The following PPP2R3A variants were observed in gnomAD, a reference collection of about 807,000 sequenced individuals.
PPP2R3A encodes the protein protein phosphatase 2 regulatory subunit B''alpha.
In PPP2R3A, 80 loss-of-function variants were observed where a neutral mutation model predicts 106.9. The observed-to-expected ratio is 0.75, with a 90% CI of 0.62 to 0.90. PPP2R3A has a LOEUF of 0.90. Among genes scored for constraint, PPP2R3A ranks in the 40% least tolerant of loss-of-function variants. The pLI is 0.00. For synonymous variants in PPP2R3A, 483 were observed against 468.3 expected (o/e 1.03, Z -0.41); for missense variants, 1,386 against 1,350.4 (o/e 1.03, Z -0.41).
At chr3:136,093,620 A>G (rs1937148551) in intron 10 of PPP2R3A, among the ~76,000 whole-genome samples, 1 of 152,188 alleles carries the variant, frequency 6.6e-6, no homozygotes, top group Non-Finnish European at 1.5e-5. Context: ...TCCAAAGAAG[A>G]TATATGCATG....
At chr3:136,106,073 C>T in intron 12 of PPP2R3A, 143 bp from the exon 13 acceptor site, 1 of 676,048 alleles carries the variant, frequency 1.5e-6, no homozygotes, top group South Asian at 2.0e-5. Context: ...AGGAGTTTTA[C>T]CTTAGCACCT....
At chr3:136,076,652 T>G (rs769102882) in intron 6 of PPP2R3A, among the ~76,000 whole-genome samples, 1 of 152,074 alleles carries the variant, frequency 6.6e-6, no homozygotes, top group Admixed American at 6.6e-5. Flanking sequence ...CCACCTGATA[T>G]ATAGAAAGCA....
intron 5 of PPP2R3A, among the ~76,000 whole-genome samples, chr3:136,051,118 TGTTTTC>T (rs1301014634): frequency 6.6e-6 from 1 of 152,214 alleles, no homozygotes; most frequent in Non-Finnish European, 1.5e-5. Context: ...TTAATATTCT[TGTTTTC>T]GTATCTAAAT....
intron 10 of PPP2R3A, among the ~76,000 whole-genome samples, chr3:136,092,102 G>A (rs1937106584): frequency 6.6e-6 from 1 of 152,164 alleles, no homozygotes; most frequent in Non-Finnish European, 1.5e-5. Flanking sequence ...GCCGAGGTGG[G>A]CAGATCACCT....
rs1939098691 is a variant in PPP2R3A, at chr3:136,145,880, G to C, written c.*714G>C. 2 of 152,198 alleles carry C rather than the reference G, an allele frequency of 1.3e-5. No homozygotes were observed. Among genetic ancestry groups the C allele is most frequent in the Admixed American group, 1.3e-4 (2 of 15,276 alleles). The allele number at this position is 152,198 out of a possible 1,614,324, so 9.4% of individuals were successfully genotyped here. A position where few individuals can be genotyped will look rare whatever the true frequency, so the allele number is the denominator to read the frequency against. Reference sequence around the variant, plus strand: ...ACTTCTTAAATGAAGTATAGAATTTGACTCATACTTGGAAAAAGCCCTTTT... The same window carrying C: ...ACTTCTTAAATGAAGTATAGAATTTCACTCATACTTGGAAAAAGCCCTTTT... On this transcript the variant is annotated 3_prime_UTR_variant, in exon 14 of 14. Coordinates refer to ENST00000264977, the MANE Select transcript of PPP2R3A (RefSeq NM_002718.5).
At chr3:136,027,197 T>G in intron 3 of PPP2R3A, 99 bp downstream of exon 3, 1 of 1,100,070 alleles carries the variant, frequency 9.1e-7, no homozygotes, top group Non-Finnish European at 1.3e-6. Flanking sequence ...CTTCACTGCC[T>G]CTTTGCTCTG....
chr3:136,008,799 A>G (rs928026049), intron 2 of PPP2R3A, among the ~76,000 whole-genome samples: 3 of 152,050 alleles, frequency 2.0e-5, no homozygotes, highest in Admixed American at 6.5e-5. Context: ...GCAGGAGTGA[A>G]GAGGAGCTCC....
At chr3:136,099,954 G>A (rs1937317746) in intron 10 of PPP2R3A, among the ~76,000 whole-genome samples, 1 of 151,054 alleles carries the variant, frequency 6.6e-6, no homozygotes, top group African/African-American at 2.4e-5. Flanking sequence ...GAAAGGGCAG[G>A]GAAGAGAGAT....
intron 13 of PPP2R3A, among the ~76,000 whole-genome samples, chr3:136,114,596 C>T (rs908234688): frequency 6.6e-6 from 1 of 152,128 alleles, no homozygotes; most frequent in Non-Finnish European, 1.5e-5. Flanking sequence ...CAGCTTGATG[C>T]AGGGAGGGGG....
intron 3 of PPP2R3A, among the ~76,000 whole-genome samples, chr3:136,027,429 A>G (rs1186941384): frequency 1.3e-5 from 2 of 152,124 alleles, no homozygotes; most frequent in Admixed American, 6.6e-5. Context: ...TAGGAATCTG[A>G]TTTTTAGTCT....
At chr3:136,040,141 G>A (rs967528751) in intron 3 of PPP2R3A, among the ~76,000 whole-genome samples, 3 of 152,146 alleles carry the variant, frequency 2.0e-5, no homozygotes, top group African/African-American at 7.2e-5. Context: ...ATAGGTAGTG[G>A]AATATTAACA....
At chr3:136,113,119 G>GA (rs112689051) in intron 13 of PPP2R3A, among the ~76,000 whole-genome samples, 5,448 of 146,902 alleles carry the variant, frequency 0.037, 323 homozygotes, top group African/African-American at 0.12. Context: ...GGCAACAAAA[G>GA]AAAAAAAAAA....
At chr3:136,054,053 A>C (rs911091632) in intron 5 of PPP2R3A, among the ~76,000 whole-genome samples, 2 of 152,170 alleles carry the variant, frequency 1.3e-5, no homozygotes, top group African/African-American at 2.4e-5. Flanking sequence ...TTGGGGGGGA[A>C]ATAAACGTGG....
chr3:136,108,355 G>A (rs1937548155), intron 13 of PPP2R3A, among the ~76,000 whole-genome samples: 1 of 152,120 alleles, frequency 6.6e-6, no homozygotes. Context: ...TTGTGGATGT[G>A]TACTTCTGGA....
chr3:136,122,780 T>A (rs1161113830), intron 13 of PPP2R3A, among the ~76,000 whole-genome samples: 2 of 152,186 alleles, frequency 1.3e-5, no homozygotes, highest in African/African-American at 4.8e-5. Flanking sequence ...CACAGAAGAT[T>A]ATGTAAATTG....
intron 2 of PPP2R3A, among the ~76,000 whole-genome samples, chr3:136,014,787 T>A (rs1228483825): frequency 1.3e-5 from 2 of 152,126 alleles, no homozygotes; most frequent in African/African-American, 4.8e-5. Flanking sequence ...CAGTTTGACT[T>A]CTTCTTTACC....
intron 5 of PPP2R3A, among the ~76,000 whole-genome samples, chr3:136,058,456 G>A (rs1043770785): frequency 6.6e-6 from 1 of 152,098 alleles, no homozygotes; most frequent in Non-Finnish European, 1.5e-5. Flanking sequence ...TAGCTAACTA[G>A]GGAGGTGAAA....
At position 136,001,447 on chromosome 3, in the gene PPP2R3A, T is replaced by A; in HGVS notation, c.-52T>A. 6.9e-7 allele frequency: 1 copy of A among 1,446,142 alleles called. No homozygotes were observed. The highest frequency in any genetic ancestry group is 9.5e-7 in the Non-Finnish European group (1 of 1,055,440). The allele number at this position is 1,446,142 out of a possible 1,614,324, so 89.6% of individuals were successfully genotyped here. A position where few individuals can be genotyped will look rare whatever the true frequency, so the allele number is the denominator to read the frequency against. On this transcript the variant is annotated 5_prime_UTR_variant, in exon 2 of 14. An upstream start codon of the reference 5' UTR is lost. Coordinates refer to ENST00000264977, the MANE Select transcript of PPP2R3A (RefSeq NM_002718.5). ...TAACTGTCATTTAGGAGAATTTTCA[T>A]GAAACAAGTTCTAGAAAGTTCCAAG...
rs1939077698 is a variant in PPP2R3A, at chr3:136,145,377, CTCCT to C, written c.*212_*215del. 2.2e-6 allele frequency: 1 copy of C among 447,252 alleles called. No homozygotes were observed. Among genetic ancestry groups the C allele is most frequent in the Admixed American group, 4.2e-5 (1 of 23,744 alleles). 27.7% of individuals were successfully genotyped at this position (447,252 alleles called of 1,614,324 possible). A position where few individuals can be genotyped will look rare whatever the true frequency, so the allele number is the denominator to read the frequency against. ...TTGCCTCAAACCTCTTACGGAGCTT[CTCCT>C]CAGAAGTGGTACCATCGCCTTCCAA... On this transcript the variant is annotated 3_prime_UTR_variant, in exon 14 of 14. Transcript: ENST00000264977.
Sources: gnomAD v4.1 joint callset for allele counts (sites outside exome capture counted in the v4.1 genomes callset) on GRCh38, gnomAD v4.1.1 for gene constraint, MANE v1.5 for transcripts, NCBI Gene and HGNC (gene_info 2026-07-23, HGNC 2026-07-21) for gene names.